PRDM6: variants seen among roughly 807,000 people sequenced by gnomAD.
The protein encoded by PRDM6 is PR/SET domain 6.
PRDM6 carries 25 observed loss-of-function variants against 60.8 expected under a neutral mutation model. That is an observed-to-expected ratio of 0.41 (90% CI 0.30 to 0.57). The LOEUF is 0.57. Ranked by LOEUF, PRDM6 falls within the 20% of genes least tolerant of loss-of-function variation. The probability of loss-of-function intolerance (pLI) is 0.27; values close to 1 mark genes in which losing one functional copy is unlikely to be tolerated. For synonymous variants in PRDM6, 407 were observed against 357.4 expected (o/e 1.14, Z -1.57); for missense variants, 839 against 821.3 (o/e 1.02, Z -0.26).
intron 3 of PRDM6, among the ~76,000 whole-genome samples, chr5:123,104,555 G>A (rs1764166955): frequency 6.6e-6 from 1 of 152,048 alleles, no homozygotes; most frequent in Non-Finnish European, 1.5e-5. Context: ...TTATATTGAA[G>A]TAAAAATCAT....
At chr5:123,112,195 G>A (rs1398164495) in intron 3 of PRDM6, among the ~76,000 whole-genome samples, 2 of 151,312 alleles carry the variant, frequency 1.3e-5, no homozygotes, top group Admixed American at 6.6e-5. Context: ...GTTTGGCAGT[G>A]TACAAAGGGC....
At position 123,112,783 on chromosome 5, in the gene PRDM6, C is replaced by CTTTTTTTTTTT. The variant is rs537426568; in HGVS notation, c.900+12838_900+12848dup. On this transcript the variant is annotated intron_variant, in intron 3 of 7. Transcript: ENST00000407847. ...ACATTTTAGAGTTACTCTAATGGCT[C>CTTTTTTTTTTT]TTTTTTTTTTTTTTTTTTTTTTTTT... Among the ~76,000 whole-genome samples the CTTTTTTTTTTT allele has an allele frequency of 2.9e-4, 14 of 47,508 alleles. 1 individual carries two copies. The highest frequency in any genetic ancestry group is 4.0e-4 in the Non-Finnish European group (11 of 27,432). 31.2% of individuals were successfully genotyped at this position (47,508 alleles called of 152,430 possible).
intron 3 of PRDM6, among the ~76,000 whole-genome samples, chr5:123,143,939 G>A (rs1765179659): frequency 6.6e-6 from 1 of 152,060 alleles, no homozygotes; most frequent in Non-Finnish European, 1.5e-5. Context: ...TCCAGTCAGG[G>A]GATCCAATTT....
chr5:123,144,623 C>T (rs589928), intron 3 of PRDM6, among the ~76,000 whole-genome samples: 1 of 151,924 alleles, frequency 6.6e-6, no homozygotes, highest in East Asian at 1.9e-4. Context: ...AGAACCAACA[C>T]TTGGAGAGAG....
At chr5:123,097,846 C>G (rs950834932) in intron 2 of PRDM6, among the ~76,000 whole-genome samples, 1 of 152,196 alleles carries the variant, frequency 6.6e-6, no homozygotes, top group Admixed American at 6.5e-5. Context: ...CTCTGCTTTC[C>G]GAAACAAGTT....
rs144496234 is a variant in PRDM6, at chr5:123,127,920, C to G, written c.900+27959C>G. 8.3e-3 allele frequency among the ~76,000 whole-genome samples: 1,263 copies of G among 151,942 alleles called. 25 individuals carry two copies. The highest frequency in any genetic ancestry group is 0.029 in the African/African-American group (1,202 of 41,398). On this transcript the variant is annotated intron_variant, in intron 3 of 7. Coordinates refer to ENST00000407847, the MANE Select transcript of PRDM6 (RefSeq NM_001136239.4). ...TCTCCTAATGCTATCCTTCCCCCAG[C>G]CCCCGACCCCCTGACAGACCCTGGT...
At position 123,189,317 on chromosome 5, in the gene PRDM6, C is replaced by T. The variant is rs1386046701; in HGVS notation, c.*2116C>T. On this transcript the variant is annotated 3_prime_UTR_variant, in exon 8 of 8. Transcript: ENST00000407847. ...AAGATTTACTCAAACTTTTTGAAAA[C>T]AACAGTAGGGAATCACCTGTATATT... The T allele has an allele frequency of 6.6e-6, 1 of 152,082 alleles. No homozygotes were observed. The highest frequency in any genetic ancestry group is 1.9e-4 in the East Asian group (1 of 5,200). 9.4% of individuals were successfully genotyped at this position (152,082 alleles called of 1,614,324 possible).
chr5:123,147,579 A>C (rs1222207363), intron 3 of PRDM6, among the ~76,000 whole-genome samples: 1 of 152,138 alleles, frequency 6.6e-6, no homozygotes, highest in Non-Finnish European at 1.5e-5. Flanking sequence ...GGATGGATAA[A>C]ATTTTTTTCA....
intron 3 of PRDM6, among the ~76,000 whole-genome samples, chr5:123,145,829 G>A (rs1252750235): frequency 2.6e-5 from 4 of 152,154 alleles, no homozygotes; most frequent in African/African-American, 7.2e-5. Flanking sequence ...AAAGAATGTC[G>A]TAGACTTAGG....
intron 5 of PRDM6, among the ~76,000 whole-genome samples, chr5:123,159,996 G>T (rs1765591245): frequency 6.6e-6 from 1 of 152,238 alleles, no homozygotes; most frequent in Admixed American, 6.5e-5. Context: ...CTTCTGCTCT[G>T]AAGGGATGTA....
chr5:123,098,962 G>C (rs906274784), intron 2 of PRDM6, among the ~76,000 whole-genome samples: 3 of 151,820 alleles, frequency 2.0e-5, no homozygotes, highest in Admixed American at 6.6e-5. Context: ...CTGCAGGCTT[G>C]CTCTGCCCCG....
chr5:123,096,899 T>C (rs993827035), intron 2 of PRDM6, among the ~76,000 whole-genome samples: 7 of 152,196 alleles, frequency 4.6e-5, no homozygotes, highest in Non-Finnish European at 8.8e-5. Context: ...TGGCTGGAGT[T>C]GGTACCTATG....
chr5:123,147,000 T>G (rs1263205926), intron 3 of PRDM6, among the ~76,000 whole-genome samples: 2 of 152,186 alleles, frequency 1.3e-5, no homozygotes, highest in Non-Finnish European at 2.9e-5. Context: ...TTACTCAAGC[T>G]TTCATGAGAG....
intron 3 of PRDM6, among the ~76,000 whole-genome samples, chr5:123,112,541 T>C (rs563911106): frequency 1.2e-4 from 19 of 152,314 alleles, no homozygotes; most frequent in African/African-American, 4.6e-4. Context: ...CCTGTTCTTC[T>C]TGTTTCAATT....
At chr5:123,134,967 A>G (rs1764922457) in intron 3 of PRDM6, among the ~76,000 whole-genome samples, 1 of 149,750 alleles carries the variant, frequency 6.7e-6, no homozygotes. Context: ...TCTTATCAAA[A>G]CAATGCATTA....
rs188099626 is a variant in PRDM6, at chr5:123,105,577, A to G, written c.900+5616A>G. On this transcript the variant is annotated intron_variant, in intron 3 of 7. Coordinates refer to ENST00000407847, the MANE Select transcript of PRDM6 (RefSeq NM_001136239.4). ...AGCTGGGGAATATGCCTACAATATC[A>G]AAGTCCTCTTGTCTCAGAAGATGGA... Among the ~76,000 whole-genome samples the G allele has an allele frequency of 1.6e-3, 241 of 152,352 alleles. No homozygotes were observed. In the Middle Eastern group the frequency reaches 0.02, roughly 13 times the overall value.
chr5:123,151,473 G>A (rs186613446), intron 3 of PRDM6, among the ~76,000 whole-genome samples: 1 of 152,126 alleles, frequency 6.6e-6, no homozygotes, highest in Non-Finnish European at 1.5e-5. Flanking sequence ...ACTCCCAGAT[G>A]GGGAGGCAGA....
At chr5:123,123,394 G>C (rs140083836) in intron 3 of PRDM6, among the ~76,000 whole-genome samples, 1 of 152,170 alleles carries the variant, frequency 6.6e-6, no homozygotes, top group East Asian at 1.9e-4. Flanking sequence ...TCTCATTCCA[G>C]AGATTAAGGA....
intron 3 of PRDM6, among the ~76,000 whole-genome samples, chr5:123,154,684 C>G (rs1446615318): frequency 1.3e-5 from 2 of 152,112 alleles, no homozygotes; most frequent in African/African-American, 4.8e-5. Context: ...ACCAGTGAGG[C>G]TCTCTCTAAC....
Sources: allele counts gnomAD v4.1 joint callset (sites outside exome capture counted in the v4.1 genomes callset), GRCh38; gene constraint gnomAD v4.1.1; transcripts MANE v1.5; gene names NCBI Gene and HGNC (gene_info 2026-07-23, HGNC 2026-07-21).